The following ADGRE3 variants were observed in gnomAD, a reference collection of about 807,000 sequenced individuals.
ADGRE3 encodes the protein EGF-like module receptor 3.
Under a neutral mutation model 80.1 loss-of-function variants are expected in ADGRE3, and 88 were observed. That is an observed-to-expected ratio of 1.10 (90% CI 0.93 to 1.31). The LOEUF is 1.31. ADGRE3 is among the 40% of genes most tolerant of loss of function. ADGRE3 has a pLI of 0.00. For missense variants in ADGRE3, 715 were observed against 776.5 expected (o/e 0.92, Z 0.94); for synonymous variants, 281 against 294.8 (o/e 0.95, Z 0.48).
intron 13 of ADGRE3, among the ~76,000 whole-genome samples, chr19:14,631,289 T>A (rs1970875399): frequency 6.6e-6 from 1 of 152,138 alleles, no homozygotes; most frequent in Non-Finnish European, 1.5e-5. Flanking sequence ...AATACCCTGA[T>A]TTGATCATTG....
At chr19:14,673,028 T>C (rs1972297256) in intron 1 of ADGRE3, among the ~76,000 whole-genome samples, 1 of 152,006 alleles carries the variant, frequency 6.6e-6, no homozygotes, top group South Asian at 2.1e-4. Context: ...ACCTCAGAAG[T>C]GTGGAGGACT....
At chr19:14,638,791 T>G (rs975456030) in intron 10 of ADGRE3, among the ~76,000 whole-genome samples, 1 of 152,076 alleles carries the variant, frequency 6.6e-6, no homozygotes, top group Non-Finnish European at 1.5e-5. Flanking sequence ...CCTCATCCAC[T>G]TCCCCCCTCA....
intron 14 of ADGRE3, among the ~76,000 whole-genome samples, chr19:14,629,819 T>A (rs2146811260): frequency 6.6e-6 from 1 of 152,334 alleles, no homozygotes; most frequent in South Asian, 2.1e-4. Context: ...AGGCATGATT[T>A]TTTTTTGACA....
chr19:14,626,268 C>G (rs1970737094), intron 14 of ADGRE3, among the ~76,000 whole-genome samples: 1 of 151,896 alleles, frequency 6.6e-6, no homozygotes, highest in South Asian at 2.1e-4. Flanking sequence ...AACCCTGTCT[C>G]TACTAAAAAT....
At chr19:14,657,558 A>C (rs1276971607) in intron 5 of ADGRE3, among the ~76,000 whole-genome samples, 5 of 151,332 alleles carry the variant, frequency 3.3e-5, no homozygotes, top group African/African-American at 9.7e-5. Flanking sequence ...CTATATCTAT[A>C]TATATATATA....
chr19:14,632,974 C>A lies in ADGRE3; in HGVS notation c.1590G>T (p.Leu530Phe), dbSNP rs1568478857. Residue 530 changes from leucine (L) to phenylalanine (F), a missense_variant, in exon 13 of 16, where the codon TTG becomes TTT. Coordinates refer to ENST00000253673, the MANE Select transcript of ADGRE3 (RefSeq NM_032571.5). ...TATTGAGGGAGGAAAGTTTTCTTTTCAAAATCCAAAAGACCAAGATAAACA... is the reference window on the plus strand; with the variant it reads ...TATTGAGGGAGGAAAGTTTTCTTTTAAAAATCCAAAAGACCAAGATAAACA... ...LVLFILVFWI[L>F]KRKLSSLNSE... The A allele has an allele frequency of 6.2e-7, 1 of 1,613,970 alleles. No homozygotes were observed. Among genetic ancestry groups the A allele is most frequent in the Middle Eastern group, 1.6e-4 (1 of 6,062 alleles).
chr19:14,654,458 T>A (rs920980993), intron 6 of ADGRE3, among the ~76,000 whole-genome samples: 2 of 151,068 alleles, frequency 1.3e-5, no homozygotes, highest in Non-Finnish European at 2.9e-5. Context: ...GAGATGGGGG[T>A]CTTGCTATGT....
chr19:14,620,536 T>A (rs187018279), intron 15 of ADGRE3, among the ~76,000 whole-genome samples: 20,688 of 35,024 alleles, frequency 0.59, 5,448 homozygotes, highest in Admixed American at 0.62. Flanking sequence ...ATATATATAT[T>A]TTATATATAT....
chr19:14,649,338 A>C (rs1274763167), intron 7 of ADGRE3, among the ~76,000 whole-genome samples: 3 of 95,592 alleles, frequency 3.1e-5, no homozygotes, highest in African/African-American at 1.3e-4. Context: ...CCCTCTGCCC[A>C]TCTCTCTTTT....
At chr19:14,659,047 T>TG (rs1243955644) in intron 4 of ADGRE3, among the ~76,000 whole-genome samples, 2 of 151,434 alleles carry the variant, frequency 1.3e-5, no homozygotes, top group Non-Finnish European at 2.9e-5. Context: ...TTTTCCCTTT[T>TG]TTTTTTTAGA....
At chr19:14,671,265 C>T (rs1972249548) in intron 1 of ADGRE3, among the ~76,000 whole-genome samples, 1 of 152,106 alleles carries the variant, frequency 6.6e-6, no homozygotes, top group Non-Finnish European at 1.5e-5. Flanking sequence ...CTTAAATCAG[C>T]CTCTATAGGC....
intron 11 of ADGRE3, 54 bp from the exon 12 acceptor site, chr19:14,633,356 T>G: frequency 1.5e-6 from 2 of 1,375,662 alleles, no homozygotes; most frequent in Non-Finnish European, 2.0e-6. Context: ...GTGCGTGAGA[T>G]CAACATAAAG....
intron 5 of ADGRE3, 87 bp from the exon 6 acceptor site, chr19:14,655,252 C>T (rs544332608): frequency 3.2e-6 from 4 of 1,245,060 alleles, no homozygotes; most frequent in East Asian, 2.4e-5. Flanking sequence ...CATGAGAAAG[C>T]AGGCTCTGGA....
chr19:14,625,787 A>G (rs1464383163), intron 14 of ADGRE3, among the ~76,000 whole-genome samples, 188 bp from the exon 15 acceptor site: 1 of 152,196 alleles, frequency 6.6e-6, no homozygotes, highest in East Asian at 1.9e-4. Context: ...ATGCTACCAC[A>G]CGGATGAACC....
At chr19:14,642,378 G>C (rs1486536241) in intron 9 of ADGRE3, among the ~76,000 whole-genome samples, 1 of 152,208 alleles carries the variant, frequency 6.6e-6, no homozygotes, top group Non-Finnish European at 1.5e-5. Flanking sequence ...GTATGCAGAG[G>C]GCTTGTGCTA....
At chr19:14,636,090 CTTT>C (rs1971057077) in intron 11 of ADGRE3, among the ~76,000 whole-genome samples, 2 of 22,884 alleles carry the variant, frequency 8.7e-5, no homozygotes, top group Non-Finnish European at 2.0e-4. Context: ...CCCTTTCTTT[CTTT>C]CTTTCTTTCT....
At chr19:14,644,416 G>C (rs1368419233) in intron 8 of ADGRE3, 141 bp from the exon 9 acceptor site, 1 of 514,710 alleles carries the variant, frequency 1.9e-6, no homozygotes, top group Non-Finnish European at 3.3e-6. Context: ...CGCTTCCTGG[G>C]TTCAAGCGAT....
At chr19:14,644,351 TG>T in intron 8 of ADGRE3, 76 bp from the exon 9 acceptor site, 1 of 1,192,088 alleles carries the variant, frequency 8.4e-7, no homozygotes, top group Non-Finnish European at 1.1e-6. Context: ...GACAAAATCT[TG>T]CTTTGTTACT....
At chr19:14,644,637 T>A (rs552357050) in intron 8 of ADGRE3, among the ~76,000 whole-genome samples, 26 of 152,078 alleles carry the variant, frequency 1.7e-4, no homozygotes, top group Admixed American at 1.7e-3. Flanking sequence ...ATTGTCTTTT[T>A]CCTCAGGAGG....
Sources: gnomAD v4.1 joint callset for allele counts (sites outside exome capture counted in the v4.1 genomes callset) on GRCh38, gnomAD v4.1.1 for gene constraint, MANE v1.5 for transcripts, NCBI Gene and HGNC (gene_info 2026-07-23, HGNC 2026-07-21) for gene names.